Variants in AXDND1 observed in about 807,000 individuals in gnomAD.
The protein encoded by AXDND1 is axonemal dynein light chain domain containing 1, also known as axonemal dynein light chain domain-containing protein 1.
Under a neutral mutation model 137.5 loss-of-function variants are expected in AXDND1, and 110 were observed. The observed-to-expected ratio is 0.80, with a 90% CI of 0.69 to 0.94. The LOEUF (loss-of-function observed/expected upper bound fraction) is 0.94. AXDND1 is among the 40% of genes least tolerant of loss of function. The pLI, the probability that AXDND1 is intolerant of heterozygous loss-of-function variation, is 0.00. For missense variants in AXDND1, 1,191 were observed against 1,169.8 expected (o/e 1.02, Z -0.26); for synonymous variants, 414 against 399.7 (o/e 1.04, Z -0.43).
At chr1:179,508,382 CT>C (rs1194109380) in intron 20 of AXDND1, among the ~76,000 whole-genome samples, 3 of 151,680 alleles carry the variant, frequency 2.0e-5, no homozygotes, top group Admixed American at 6.6e-5. Context: ...AGGTATATTA[CT>C]GCTCATTGTG....
intron 14 of AXDND1, among the ~76,000 whole-genome samples, chr1:179,431,778 CG>C (rs1022322958): frequency 2.6e-5 from 4 of 152,044 alleles, no homozygotes; most frequent in Non-Finnish European, 4.4e-5. Flanking sequence ...GAGGTGTGCA[CG>C]GGTGGCCATA....
intron 25 of AXDND1, among the ~76,000 whole-genome samples, chr1:179,538,029 A>T (rs1463050684): frequency 5.9e-5 from 9 of 152,152 alleles, no homozygotes; most frequent in Non-Finnish European, 5.9e-5. Flanking sequence ...CTGTGGGATC[A>T]GCGGTGATAT....
At chr1:179,458,485 G>A (rs1661741190) in intron 16 of AXDND1, among the ~76,000 whole-genome samples, 1 of 152,044 alleles carries the variant, frequency 6.6e-6, no homozygotes, top group Non-Finnish European at 1.5e-5. Flanking sequence ...ATTTATGACA[G>A]TAGGTGCAAA....
At chr1:179,418,791 C>T (rs1655147641) in intron 12 of AXDND1, among the ~76,000 whole-genome samples, 1 of 151,616 alleles carries the variant, frequency 6.6e-6, no homozygotes, top group African/African-American at 2.4e-5. Context: ...GGGGTGGCTG[C>T]TGGACGGAGG....
intron 21 of AXDND1, among the ~76,000 whole-genome samples, chr1:179,519,235 G>A (rs759957730): frequency 3.3e-5 from 5 of 152,050 alleles, no homozygotes; most frequent in African/African-American, 1.2e-4. Flanking sequence ...TTATGGGGTT[G>A]TTTTTTGCTT....
intron 25 of AXDND1, among the ~76,000 whole-genome samples, chr1:179,550,156 T>C (rs1673063540): frequency 6.6e-6 from 1 of 152,220 alleles, no homozygotes; most frequent in African/African-American, 2.4e-5. Context: ...GTAATGTTAG[T>C]AATGTTTTAT....
intron 11 of AXDND1, among the ~76,000 whole-genome samples, chr1:179,406,335 TG>T (rs1361836497): frequency 6.6e-6 from 1 of 152,236 alleles, no homozygotes. Flanking sequence ...ATTCTGCAGA[TG>T]TTGGATAAAA....
At chr1:179,486,528 T>G (rs1039077668) in intron 18 of AXDND1, among the ~76,000 whole-genome samples, 1 of 126,022 alleles carries the variant, frequency 7.9e-6, no homozygotes, top group East Asian at 1.9e-4. Context: ...CACATAGTCA[T>G]CAGATTCTCC....
At chr1:179,405,368 G>A (rs774180204) in intron 11 of AXDND1, among the ~76,000 whole-genome samples, 65 of 152,144 alleles carry the variant, frequency 4.3e-4, no homozygotes, top group Non-Finnish European at 1.6e-4. Flanking sequence ...TGTAAATAAT[G>A]CTGCAGTAAA....
intron 21 of AXDND1, among the ~76,000 whole-genome samples, chr1:179,518,390 T>C (rs1669748730): frequency 6.6e-6 from 1 of 151,828 alleles, no homozygotes; most frequent in Admixed American, 6.6e-5. Flanking sequence ...TTTTTCTTTT[T>C]TTTTTTTTTG....
chr1:179,535,624 T>G (rs1671476584), intron 25 of AXDND1, among the ~76,000 whole-genome samples: 1 of 152,236 alleles, frequency 6.6e-6, no homozygotes. Flanking sequence ...AGTCTATCAT[T>G]GATGGACATT....
chr1:179,389,862 AG>A (rs1440566848), intron 9 of AXDND1, among the ~76,000 whole-genome samples: 2 of 152,132 alleles, frequency 1.3e-5, no homozygotes, highest in Non-Finnish European at 2.9e-5. Context: ...CCAATATATG[AG>A]CTGCATCTTG....
intron 14 of AXDND1, 32 bp from the exon 15 acceptor site, chr1:179,432,235 G>A: frequency 2.0e-6 from 3 of 1,499,504 alleles, no homozygotes; most frequent in Non-Finnish European, 2.7e-6. Context: ...CTTGTTCTGA[G>A]ATGTTTCTCT....
At chr1:179,419,874 AT>A (rs1441741401) in intron 12 of AXDND1, among the ~76,000 whole-genome samples, 1 of 152,164 alleles carries the variant, frequency 6.6e-6, no homozygotes, top group African/African-American at 2.4e-5. Context: ...TTTTTAAAGT[AT>A]AAGATTATGT....
intron 14 of AXDND1, among the ~76,000 whole-genome samples, chr1:179,430,960 G>T (rs1290462630): frequency 6.6e-6 from 1 of 152,004 alleles, no homozygotes; most frequent in Admixed American, 6.6e-5. Flanking sequence ...AAAACCAATG[G>T]GTGACAGTTA....
intron 15 of AXDND1, among the ~76,000 whole-genome samples, chr1:179,435,757 C>T (rs1447887154): frequency 6.6e-5 from 10 of 152,092 alleles, no homozygotes; most frequent in African/African-American, 7.2e-5. Context: ...CTAGGCAATA[C>T]CATTCAGGAC....
intron 12 of AXDND1, among the ~76,000 whole-genome samples, chr1:179,412,513 G>T (rs1654051338): frequency 6.6e-6 from 1 of 152,046 alleles, no homozygotes; most frequent in African/African-American, 2.4e-5. Flanking sequence ...AAATGTAGAA[G>T]GCATCCCTGT....
rs552405305 is a variant in AXDND1 at position 179,405,718 on chromosome 1, G to A, written c.1110-5428G>A. On this transcript the variant is annotated intron_variant, in intron 11 of 25. Transcript: ENST00000367618. ...GTATCAGTTATATCTCTTTTTGTTT[G>A]TTTGTTTGTTTCTGATTTTATTTGC... Among the ~76,000 whole-genome samples, 7 of 151,652 alleles carry A rather than the reference G, an allele frequency of 4.6e-5. No homozygotes were observed. The South Asian group carries it at 1.5e-3, about 32-fold the overall frequency.
At chr1:179,371,432 C>G (rs939742725) in intron 4 of AXDND1, among the ~76,000 whole-genome samples, 1 of 152,016 alleles carries the variant, frequency 6.6e-6, no homozygotes, top group East Asian at 1.9e-4. Flanking sequence ...CCTCTCAAAA[C>G]AAAACAAAAC....
Sources: allele counts gnomAD v4.1 joint callset (sites outside exome capture counted in the v4.1 genomes callset), GRCh38; gene constraint gnomAD v4.1.1; transcripts MANE v1.5; gene names NCBI Gene and HGNC (gene_info 2026-07-23, HGNC 2026-07-21).